Variants in RFX4 observed in about 807,000 individuals in gnomAD.
RFX4 encodes the protein regulatory factor X4, also known as transcription factor RFX4.
In RFX4, 10 loss-of-function variants were observed where a neutral mutation model predicts 95.0. The ratio of observed to expected loss-of-function variants is 0.11; its 90% confidence interval spans 0.06 to 0.18. RFX4 has a LOEUF of 0.18. RFX4 is among the 10% of genes least tolerant of loss of function. RFX4 has a pLI of 1.00. For missense variants in RFX4, 640 were observed against 922.0 expected (o/e 0.69, Z 3.96); for synonymous variants, 321 against 340.7 (o/e 0.94, Z 0.64).
intron 17 of RFX4, among the ~76,000 whole-genome samples, chr12:106,752,386 C>T (rs2043023919): frequency 6.6e-6 from 1 of 152,160 alleles, no homozygotes. Context: ...ATGGCTGGCC[C>T]ACAGTGGGTG....
chr12:106,737,490 G>T (rs1258033762), intron 15 of RFX4, among the ~76,000 whole-genome samples: 1 of 151,668 alleles, frequency 6.6e-6, no homozygotes, highest in Non-Finnish European at 1.5e-5. Flanking sequence ...AAGGAGAGGG[G>T]AGAAAAGGTA....
chr12:106,671,436 A>G (rs1343056769), intron 4 of RFX4, among the ~76,000 whole-genome samples: 1 of 151,962 alleles, frequency 6.6e-6, no homozygotes, highest in Non-Finnish European at 1.5e-5. Flanking sequence ...GCAGTGGGGC[A>G]GGGGGTGTCA....
At chr12:106,714,222 T>C (rs185460684) in intron 10 of RFX4, among the ~76,000 whole-genome samples, 20 of 152,124 alleles carry the variant, frequency 1.3e-4, no homozygotes, top group Admixed American at 8.5e-4. Context: ...GGTACTATCA[T>C]ATCTCCATTT....
At chr12:106,594,364 C>A (rs2039585382) in intron 1 of RFX4, among the ~76,000 whole-genome samples, 1 of 152,190 alleles carries the variant, frequency 6.6e-6, no homozygotes, top group Admixed American at 6.5e-5. Context: ...ATTTTCAACT[C>A]AGTGGGCAGA....
At chr12:106,637,430 T>A (rs896061393) in intron 2 of RFX4, among the ~76,000 whole-genome samples, 3 of 152,260 alleles carry the variant, frequency 2.0e-5, no homozygotes, top group African/African-American at 7.2e-5. Flanking sequence ...TTCATTTTTT[T>A]ATTTTCATTT....
chr12:106,635,017 C>T (rs140423350), intron 2 of RFX4, among the ~76,000 whole-genome samples: 6 of 152,274 alleles, frequency 3.9e-5, no homozygotes, highest in African/African-American at 1.4e-4. Context: ...ATTTGTTGAA[C>T]AAATTAATAG....
At chr12:106,696,587 GTTTAT>G in intron 8 of RFX4, 141 bp downstream of exon 8, 1 of 784,458 alleles carries the variant, frequency 1.3e-6, no homozygotes, top group Non-Finnish European at 1.9e-6. Context: ...AAATATTAAA[GTTTAT>G]TTATATTTTG....
chr12:106,624,460 G>A (rs1227328863), intron 2 of RFX4, among the ~76,000 whole-genome samples: 1 of 152,082 alleles, frequency 6.6e-6, no homozygotes, highest in Admixed American at 6.6e-5. Flanking sequence ...GAGCAGCTGG[G>A]ACTACAGGAG....
Position 106,696,219 on chromosome 12 carries a change from C to A in RFX4, c.670-64C>A, listed in dbSNP as rs576533452. 6.3e-6 allele frequency: 10 copies of A among 1,589,702 alleles called. No individual in the cohort carries two copies. In the African/African-American group the frequency reaches 8.1e-5, roughly 13 times the overall value. Reference sequence around the variant, plus strand: ...TAGACTGGGTTGGCCTTGGTGGAGTCCCAAGCTTCTGTTGGGAGGGCCCTG... The same window carrying A: ...TAGACTGGGTTGGCCTTGGTGGAGTACCAAGCTTCTGTTGGGAGGGCCCTG... On this transcript the variant is annotated intron_variant, in intron 7 of 17. Coordinates refer to ENST00000392842, the MANE Select transcript of RFX4 (RefSeq NM_213594.3).
chr12:106,612,875 A>G (rs1360868031), intron 2 of RFX4, among the ~76,000 whole-genome samples: 1 of 151,666 alleles, frequency 6.6e-6, no homozygotes, highest in African/African-American at 2.4e-5. Flanking sequence ...GTGAAAAGAG[A>G]TAACTTTACT....
rs1566002525 is a variant in RFX4, at chr12:106,741,582, C to T, written c.1634-5855C>T. On this transcript the variant is annotated intron_variant, in intron 15 of 17. Coordinates refer to ENST00000392842, the MANE Select transcript of RFX4 (RefSeq NM_213594.3). Reference sequence around the variant, plus strand: ...ATTTAGTTTTAATTCATTTAAATTTCAATAGCCACGAGTGGCTATAGGATA... The same window carrying T: ...ATTTAGTTTTAATTCATTTAAATTTTAATAGCCACGAGTGGCTATAGGATA... Among the ~76,000 whole-genome samples the T allele has an allele frequency of 2.0e-5, 3 of 152,178 alleles. No individual in the cohort carries two copies. The East Asian group carries it at 5.8e-4, about 29-fold the overall frequency.
chr12:106,614,171 T>A (rs1429498096), intron 2 of RFX4, among the ~76,000 whole-genome samples: 2 of 152,298 alleles, frequency 1.3e-5, no homozygotes, highest in East Asian at 1.9e-4. Context: ...TCATGTCTTT[T>A]TTTTTTTGAG....
At chr12:106,740,209 A>T (rs1367964891) in intron 15 of RFX4, among the ~76,000 whole-genome samples, 1 of 152,232 alleles carries the variant, frequency 6.6e-6, no homozygotes, top group Non-Finnish European at 1.5e-5. Flanking sequence ...TAACTGTAGA[A>T]CATCTGGCCT....
At chr12:106,716,149 A>T (rs192437445) in intron 11 of RFX4, among the ~76,000 whole-genome samples, 1 of 152,274 alleles carries the variant, frequency 6.6e-6, no homozygotes, top group African/African-American at 2.4e-5. Context: ...CCAGAGAACA[A>T]CATCATTGTT....
chr12:106,620,355 G>A (rs1345292017), intron 2 of RFX4, among the ~76,000 whole-genome samples: 2 of 152,130 alleles, frequency 1.3e-5, no homozygotes, highest in Admixed American at 1.3e-4. Context: ...TTTTACAGCT[G>A]GGCCACTGGG....
intron 15 of RFX4, 114 bp downstream of exon 15, chr12:106,733,199 C>T: frequency 8.5e-7 from 1 of 1,171,052 alleles, no homozygotes; most frequent in Non-Finnish European, 1.3e-6. Flanking sequence ...AGCCAGACAT[C>T]TTGGCTCACA....
At chr12:106,714,547 AT>A (rs375476497) in intron 10 of RFX4, among the ~76,000 whole-genome samples, 231 of 152,154 alleles carry the variant, frequency 1.5e-3, no homozygotes, top group African/African-American at 4.7e-3. Flanking sequence ...GTGTATTTTA[AT>A]TTTTTTTATT....
At chr12:106,693,630 G>T (rs192642099) in intron 7 of RFX4, among the ~76,000 whole-genome samples, 1 of 152,298 alleles carries the variant, frequency 6.6e-6, no homozygotes, top group African/African-American at 2.4e-5. Flanking sequence ...GGACAGTGGA[G>T]GGTCCTCTGG....
chr12:106,719,867 T>G, intron 11 of RFX4, 93 bp from the exon 12 acceptor site: 2 of 983,138 alleles, frequency 2.0e-6, no homozygotes, highest in Non-Finnish European at 3.2e-6. Context: ...AAGTTTTACT[T>G]TATTCAAAGT....
Sources: gnomAD v4.1 joint callset for allele counts (sites outside exome capture counted in the v4.1 genomes callset) on GRCh38, gnomAD v4.1.1 for gene constraint, MANE v1.5 for transcripts, NCBI Gene and HGNC (gene_info 2026-07-23, HGNC 2026-07-21) for gene names.